The following ATP7B variants were observed in gnomAD, a reference collection of about 807,000 sequenced individuals.
The protein encoded by ATP7B is copper-transporting ATPase 2.
Under a neutral mutation model 118.9 loss-of-function variants are expected in ATP7B, and 113 were observed. That is an observed-to-expected ratio of 0.95 (90% CI 0.82 to 1.11). The LOEUF is 1.11. Ranked by LOEUF, ATP7B falls within the 50% of genes most tolerant of loss-of-function variation. The probability of loss-of-function intolerance (pLI) is 0.00; values close to 1 mark genes in which losing one functional copy is unlikely to be tolerated. For synonymous variants in ATP7B, 777 were observed against 727.4 expected, an observed-to-expected ratio of 1.07 and a Z score of -1.10; for missense variants, 1,867 against 1,871.4, an observed-to-expected ratio of 1.00 and a Z score of 0.04.
intron 1 of ATP7B, among the ~76,000 whole-genome samples, chr13:51,979,522 G>C (rs1398478838): frequency 2.0e-5 from 3 of 152,136 alleles, no homozygotes; most frequent in African/African-American, 7.2e-5. Context: ...AGAAGACTCA[G>C]AACAGTGACT....
intron 9 of ATP7B, among the ~76,000 whole-genome samples, chr13:51,953,988 G>C (rs1266922915): frequency 6.6e-6 from 1 of 152,066 alleles, no homozygotes; most frequent in African/African-American, 2.4e-5. Flanking sequence ...CATTCCACCA[G>C]TGAGTATCTC....
intron 17 of ATP7B, 68 bp downstream of exon 17, chr13:51,938,983 T>G: frequency 6.2e-7 from 1 of 1,612,590 alleles, no homozygotes; most frequent in South Asian, 1.1e-5. Flanking sequence ...CTGGGCCAAC[T>G]GGTGCTTACT....
intron 4 of ATP7B, among the ~76,000 whole-genome samples, chr13:51,966,263 A>G (rs1463341311): frequency 6.6e-6 from 1 of 152,242 alleles, no homozygotes; most frequent in African/African-American, 2.4e-5. Context: ...GAACTTGTCC[A>G]AAGTCGCGCA....
chr13:51,941,242 T>C lies in ATP7B; in HGVS notation c.3413-18A>G. 6.2e-7 allele frequency: 1 copy of C among 1,614,032 alleles called. No individual in the cohort carries two copies. The highest frequency in any genetic ancestry group is 8.5e-7 in the Non-Finnish European group (1 of 1,179,890). On this transcript the variant is annotated intron_variant, in intron 15 of 20. Coordinates refer to ENST00000242839, the MANE Select transcript of ATP7B (RefSeq NM_000053.4). ...GACTGCATCTATTCAAAAGAGGCTG[T>C]GGTTATTTCTAAATGGTCCAATTTC...
rs368381292 is a variant in ATP7B, at chr13:51,964,912, G to A, written c.1829C>T (p.Pro610Leu). The A allele has an allele frequency of 8.4e-5, 136 of 1,613,728 alleles. No homozygotes were observed. The highest frequency in any genetic ancestry group is 2.3e-4 in the Admixed American group (14 of 59,972). ...AATATCCCGTGGACCGATAATTTCC[G>A]GGTCAAACTTAACAAGGGCTTTGCT... The part of the protein sequence containing the change: ...ATSKALVKFD[P>L]EIIGPRDIIK... Residue 610 changes from proline (P) to leucine (L), a missense_variant, in exon 5 of 21, where the codon CCG (proline) becomes CTG (leucine). By Grantham distance (98) the Pro-to-Leu change is moderately conservative (BLOSUM62 -3). Coordinates refer to ENST00000242839, the MANE Select transcript of ATP7B (RefSeq NM_000053.4).
Position 51,946,381 on chromosome 13 carries a change from C to G in ATP7B, c.2963G>C (p.Gly988Ala). 1 of 1,613,852 alleles carries G rather than the reference C, an allele frequency of 6.2e-7. No homozygotes were observed. The highest frequency in any genetic ancestry group is 8.5e-7 in the Non-Finnish European group (1 of 1,180,020). ...VLCIACPCSL[G>A]LATPTAVMVG... is the part of the protein sequence containing the mutation. ...CATGACAGCCGTGGGCGTGGCCAGC[C>G]CCAGGGAGCAGGGGCAGGCAATGCA... The change falls in exon 13 of 21, where the codon GGG becomes GCG. Residue 988 changes from glycine to alanine, a missense_variant. Gly to Ala is a moderately conservative substitution (Grantham distance 60). Transcript: ENST00000242839.
intron 1 of ATP7B, among the ~76,000 whole-genome samples, chr13:52,008,045 G>GT (rs1300276485): frequency 1.3e-5 from 2 of 151,244 alleles, no homozygotes; most frequent in African/African-American, 2.4e-5. Context: ...CACTGCATTG[G>GT]TTAAAAAAAA....
Position 51,973,930 on chromosome 13 carries a change from C to A in ATP7B, c.1285+5G>T, listed in dbSNP as rs370579582. The A allele has an allele frequency of 8.1e-5, 131 of 1,614,124 alleles. No individual in the cohort carries two copies. In the Middle Eastern group the frequency reaches 1.8e-3, roughly 22 times the overall value. On this transcript the variant is annotated splice_donor_5th_base_variant and intron_variant, in intron 2 of 20. Coordinates refer to ENST00000242839, the MANE Select transcript of ATP7B (RefSeq NM_000053.4). Reference sequence around the variant, plus strand: ...CTCAGGACATGCCTCAAACACACTACGTACCAGAAACGACTGAAGCCTCAA... The same window carrying A: ...CTCAGGACATGCCTCAAACACACTAAGTACCAGAAACGACTGAAGCCTCAA...
In ATP7B at chr13:51,935,589, T is replaced by G; in HGVS notation, c.4124+4A>C. The stretch of plus-strand genomic sequence containing the variant: ...CCACAGATGCTCCACCTGAGGGGAC[T>G]CACCACTTGAGCTGCAGGGATGAGA... On this transcript the variant is annotated splice_donor_region_variant and intron_variant, in intron 20 of 20. Transcript: ENST00000242839. The G allele has an allele frequency of 6.2e-7, 1 of 1,612,790 alleles. No homozygotes were observed. Among genetic ancestry groups the G allele is most frequent in the Non-Finnish European group, 8.5e-7 (1 of 1,179,574 alleles).
intron 9 of ATP7B, among the ~76,000 whole-genome samples, chr13:51,957,309 A>G (rs1958413778): frequency 6.6e-6 from 1 of 152,102 alleles, no homozygotes; most frequent in African/African-American, 2.4e-5. Context: ...CCCATGTGCC[A>G]TTTCGCACAC....
chr13:51,965,214 T>G (rs1226711373), intron 4 of ATP7B, among the ~76,000 whole-genome samples, 181 bp from the exon 5 acceptor site: 1 of 152,146 alleles, frequency 6.6e-6, no homozygotes, highest in Non-Finnish European at 1.5e-5. Context: ...TCCAGCGGCT[T>G]CAGGGACTAA....
chr13:51,978,187 G>A (rs984793514), intron 1 of ATP7B, among the ~76,000 whole-genome samples: 1 of 151,972 alleles, frequency 6.6e-6, no homozygotes, highest in Non-Finnish European at 1.5e-5. Context: ...TTCAAATGAA[G>A]TCAAAAGATA....
rs569280275 is a variant in ATP7B at position 51,951,583 on chromosome 13, C to T, written c.2448-1184G>A. Among the ~76,000 whole-genome samples, 21 of 152,154 alleles carry T rather than the reference C, an allele frequency of 1.4e-4. No individual in the cohort carries two copies. The South Asian group carries it at 2.7e-3, about 20-fold the overall frequency. ...ATCATATAAGCGCCCCTAGGAGTGA[C>T]GGAGAAAACACAGAAGGGGTCCTAG... On this transcript the variant is annotated intron_variant, in intron 9 of 20. Transcript: ENST00000242839.
At chr13:51,958,567 G>A in intron 7 of ATP7B, 23 bp from the exon 8 acceptor site, 1 of 1,605,002 alleles carries the variant, frequency 6.2e-7, no homozygotes, top group Non-Finnish European at 8.5e-7. Context: ...GACAGTGAAG[G>A]CTGCCAGCAA....
At chr13:51,946,902 G>A (rs1258604420) in intron 12 of ATP7B, among the ~76,000 whole-genome samples, 1 of 152,202 alleles carries the variant, frequency 6.6e-6, no homozygotes, top group East Asian at 1.9e-4. Context: ...TGGCATAGGA[G>A]CGGCATTTAA....
chr13:52,012,052 G>A, upstream of ATP7B: 2 of 454,722 alleles, frequency 4.4e-6, no homozygotes, highest in South Asian at 2.2e-5. Flanking sequence ...GCAAAGGCCA[G>A]CCAATGGCCT....
At position 51,949,761 on chromosome 13, in the gene ATP7B, T is replaced by G; in HGVS notation, c.2766A>C (p.Gly922=). Reference sequence around the variant, plus strand: ...TGATGATGATAAATGGGACAAAATATCCACTAAACCGGTCAGCCAGCTGCT... The same window carrying G: ...TGATGATGATAAATGGGACAAAATAGCCACTAAACCGGTCAGCCAGCTGCT... ...PIQQLADRFS[G]YFVPFIIIMS... is the part of the protein sequence containing the mutation. Residue 922 remains glycine (G), a synonymous_variant, in exon 12 of 21, where the codon GGA becomes GGC. Transcript: ENST00000242839. 1 of 1,613,886 alleles carries G rather than the reference T, an allele frequency of 6.2e-7. No homozygotes were observed. The highest frequency in any genetic ancestry group is 1.7e-5 in the Admixed American group (1 of 60,008).
At chr13:51,949,067 C>CTACTTGGGAGGCTGAGACGGGA (rs1957832729) in intron 12 of ATP7B, among the ~76,000 whole-genome samples, 1 of 152,080 alleles carries the variant, frequency 6.6e-6, no homozygotes, top group Non-Finnish European at 1.5e-5. Flanking sequence ...GTAGTCCCAG[C>CTACTTGGGAGGCTGAGACGGGA]TACTTGGGAG....
chr13:51,969,561 A>G (rs1951739533), intron 3 of ATP7B, among the ~76,000 whole-genome samples: 1 of 152,160 alleles, frequency 6.6e-6, no homozygotes, highest in Non-Finnish European at 1.5e-5. Flanking sequence ...AAATCCCACA[A>G]TCTTGCTAAC....
Sources: gnomAD v4.1 joint callset for allele counts (sites outside exome capture counted in the v4.1 genomes callset) on GRCh38, gnomAD v4.1.1 for gene constraint, MANE v1.5 for transcripts, NCBI Gene and HGNC (gene_info 2026-07-23, HGNC 2026-07-21) for gene names.